The following TRAF3IP2 variants were observed in gnomAD, a reference collection of about 807,000 sequenced individuals.
TRAF3IP2 encodes the protein E3 ubiquitin ligase TRAF3IP2.
Under a neutral mutation model 57.9 loss-of-function variants are expected in TRAF3IP2, and 35 were observed. That is an observed-to-expected ratio of 0.60 (90% CI 0.46 to 0.80). The LOEUF is 0.80. Ranked by LOEUF, TRAF3IP2 falls within the 30% of genes least tolerant of loss-of-function variation. The pLI is 0.00. For synonymous variants in TRAF3IP2, 251 were observed against 268.9 expected (o/e 0.93, Z 0.65); for missense variants, 556 against 706.4 (o/e 0.79, Z 2.41).
intron 3 of TRAF3IP2, among the ~76,000 whole-genome samples, chr6:111,579,055 GCACAGTGGCT>G: frequency 6.6e-6 from 1 of 152,292 alleles, no homozygotes; most frequent in Non-Finnish European, 1.5e-5. Flanking sequence ...AAGAGGCAGG[GCACAGTGGCT>G]CATGCCTGCA....
chr6:111,594,117 G>A (rs1341354690), intron 1 of TRAF3IP2, among the ~76,000 whole-genome samples: 1 of 110,806 alleles, frequency 9.0e-6, no homozygotes, highest in East Asian at 2.6e-4. Flanking sequence ...AGCGACAAGA[G>A]CGAGACTCCA....
At chr6:111,589,209 C>T (rs1012518258) in intron 2 of TRAF3IP2, among the ~76,000 whole-genome samples, 1 of 151,692 alleles carries the variant, frequency 6.6e-6, no homozygotes, top group Admixed American at 6.6e-5. Context: ...TACAGGCGCC[C>T]GCCACAACAA....
intron 3 of TRAF3IP2, chr6:111,576,934 G>A (rs997310748): frequency 3.3e-5 from 5 of 151,988 alleles, no homozygotes; most frequent in Non-Finnish European, 7.4e-5. Context: ...TGTTGCTTAC[G>A]CTTTTCATAT....
At position 111,558,796 on chromosome 6, in the gene TRAF3IP2, A is replaced by T. The variant is rs1206461910; in HGVS notation, c.*609T>A. Reference sequence around the variant, plus strand: ...TATGGTTAAAAAGGGTTGTTTAACTAGCTGGCTTTAATCCATTAATACAGA... The same window carrying T: ...TATGGTTAAAAAGGGTTGTTTAACTTGCTGGCTTTAATCCATTAATACAGA... On this transcript the variant is annotated 3_prime_UTR_variant, in exon 9 of 9. Transcript: ENST00000368761. 6.6e-6 allele frequency: 1 copy of T among 150,552 alleles called. No individual in the cohort carries two copies. The highest frequency in any genetic ancestry group is 2.5e-5 in the African/African-American group (1 of 40,246). The allele number at this position is 150,552 out of a possible 1,614,324, so 9.3% of individuals were successfully genotyped here.
intron 7 of TRAF3IP2, among the ~76,000 whole-genome samples, chr6:111,564,360 CA>C: frequency 6.6e-6 from 1 of 152,314 alleles, no homozygotes; most frequent in Admixed American, 6.5e-5. Flanking sequence ...GCATAAGTTA[CA>C]AGTGAAGCAC....
At chr6:111,561,916 G>A (rs975378941) in intron 8 of TRAF3IP2, among the ~76,000 whole-genome samples, 3 of 152,208 alleles carry the variant, frequency 2.0e-5, no homozygotes, top group African/African-American at 7.2e-5. Context: ...AGGCAGCGCA[G>A]GGAGGATAGA....
intron 2 of TRAF3IP2, among the ~76,000 whole-genome samples, chr6:111,586,475 G>C (rs1168131110): frequency 1.3e-5 from 2 of 152,112 alleles, no homozygotes; most frequent in African/African-American, 2.4e-5. Context: ...ACTTCTCCAG[G>C]GGGTGGGGTG....
At chr6:111,587,229 CTATTTT>C (rs1377609232) in intron 2 of TRAF3IP2, 8 of 152,022 alleles carry the variant, frequency 5.3e-5, no homozygotes, top group Admixed American at 4.6e-4. Flanking sequence ...TACCTGTTTG[CTATTTT>C]TATTTTTATG....
At position 111,559,560 on chromosome 6, in the gene TRAF3IP2, G is replaced by A; in HGVS notation, c.1552-9C>T. ...CAGGTGGGCACATGCTCCTATGGGA[G>A]GCAGAATGACAGGAGCAAAGGTCAT... On this transcript the variant is annotated splice_polypyrimidine_tract_variant and intron_variant, in intron 8 of 8. Coordinates refer to ENST00000368761, the MANE Select transcript of TRAF3IP2 (RefSeq NM_147686.4). 2 of 1,613,640 alleles carry A rather than the reference G, an allele frequency of 1.2e-6. No individual in the cohort carries two copies. Among genetic ancestry groups the A allele is most frequent in the Non-Finnish European group, 1.7e-6 (2 of 1,179,866 alleles).
At chr6:111,567,780 T>A in intron 5 of TRAF3IP2, 88 bp from the exon 6 acceptor site, 1 of 1,015,538 alleles carries the variant, frequency 9.8e-7, no homozygotes, top group Non-Finnish European at 1.4e-6. Flanking sequence ...TATATACATT[T>A]AAAGCTCCAA....
intron 3 of TRAF3IP2, 32 bp from the exon 4 acceptor site, chr6:111,575,853 A>T: frequency 3.1e-6 from 5 of 1,597,466 alleles, no homozygotes; most frequent in Non-Finnish European, 4.3e-6. Flanking sequence ...GTCAATTTTC[A>T]TTCTTTACAA....
At chr6:111,581,248 G>A (rs3777910) in intron 2 of TRAF3IP2, among the ~76,000 whole-genome samples, 52,045 of 152,108 alleles carry the variant, frequency 0.34, 9,807 homozygotes, top group African/African-American at 0.5. Flanking sequence ...GAGAGGGAAG[G>A]GCTCTGAGGG....
chr6:111,574,095 T>C (rs950658296), intron 4 of TRAF3IP2: 12 of 152,240 alleles, frequency 7.9e-5, no homozygotes, highest in Non-Finnish European at 1.6e-4. Context: ...ATCAGGACTA[T>C]AATGTATGTG....
chr6:111,575,662 G>T lies in TRAF3IP2; in HGVS notation c.1182C>A (p.Ser394Arg). 1 of 1,612,486 alleles carries T rather than the reference G, an allele frequency of 6.2e-7. No homozygotes were observed. Among genetic ancestry groups the T allele is most frequent in the Non-Finnish European group, 8.5e-7 (1 of 1,179,544 alleles). ...NPPARGTLKT[S>R]NLPEELRKVF... ...ACTTACGCAATTCTTCTGGCAAATT[G>T]CTTGTTTTTAGAGTTCCTCTGGCTG... The change falls in exon 4 of 9, where the codon AGC (serine) becomes AGA (arginine). Residue 394 changes from serine (S) to arginine (R), a missense_variant. Physicochemically the swap from Ser to Arg is moderately radical, Grantham distance 110. Coordinates refer to ENST00000368761, the MANE Select transcript of TRAF3IP2 (RefSeq NM_147686.4).
At chr6:111,572,776 A>G in intron 5 of TRAF3IP2, 119 bp downstream of exon 5, 1 of 795,024 alleles carries the variant, frequency 1.3e-6, no homozygotes, top group Non-Finnish European at 2.1e-6. Context: ...ATGCATAATC[A>G]CATAAATCAA....
chr6:111,600,564 G>A (rs978230700), intron 1 of TRAF3IP2: 1 of 152,184 alleles, frequency 6.6e-6, no homozygotes, highest in African/African-American at 2.4e-5. Context: ...TCTGCAAAGG[G>A]GACAGATAGT....
chr6:111,595,973 G>A (rs62422683), intron 1 of TRAF3IP2, among the ~76,000 whole-genome samples: 8,413 of 152,140 alleles, frequency 0.055, 309 homozygotes, highest in South Asian at 0.092. Flanking sequence ...CACGACCGGC[G>A]TCCCAGGGCC....
Position 111,559,250 on chromosome 6 carries a change from A to G in TRAF3IP2, c.*155T>C. ...GGGTGTGTGGAGGTCTCCGGGGAAG[A>G]GCTCTGCACAACAGGTTTCCTGGGG... On this transcript the variant is annotated 3_prime_UTR_variant, in exon 9 of 9. Coordinates refer to ENST00000368761, the MANE Select transcript of TRAF3IP2 (RefSeq NM_147686.4). 2.1e-6 allele frequency: 2 copies of G among 974,728 alleles called. No individual in the cohort carries two copies. The highest frequency in any genetic ancestry group is 3.0e-6 in the Non-Finnish European group (2 of 666,788). 60.4% of individuals were successfully genotyped at this position (974,728 alleles called of 1,614,324 possible). A position where few individuals can be genotyped will look rare whatever the true frequency, so the allele number is the denominator to read the frequency against.
chr6:111,566,654 C>A, intron 6 of TRAF3IP2, 94 bp from the exon 7 acceptor site: 2 of 1,089,164 alleles, frequency 1.8e-6, no homozygotes, highest in South Asian at 1.2e-5. Context: ...CAGGCTCATT[C>A]TCCATAGAAA....
Sources: allele counts gnomAD v4.1 joint callset (sites outside exome capture counted in the v4.1 genomes callset), GRCh38; gene constraint gnomAD v4.1.1; transcripts MANE v1.5; gene names NCBI Gene and HGNC (gene_info 2026-07-23, HGNC 2026-07-21).